Variants in NUBPL observed in about 807,000 individuals in gnomAD.
NUBPL encodes iron-sulfur cluster transfer protein NUBPL.
NUBPL carries 31 observed loss-of-function variants against 45.7 expected under a neutral mutation model. The ratio of observed to expected loss-of-function variants is 0.68; its 90% CI spans 0.51 to 0.92. The LOEUF (loss-of-function observed/expected upper bound fraction) is 0.92, where lower values mean the gene tolerates loss of function less well. NUBPL is among the 40% of genes least tolerant of loss of function. NUBPL has a pLI of 0.00. For missense variants in NUBPL, 401 were observed against 398.7 expected, an observed-to-expected ratio of 1.01 and a Z score of -0.05; for synonymous variants, 144 against 140.9, an observed-to-expected ratio of 1.02 and a Z score of -0.15.
At chr14:31,566,971 C>T (rs1225228054) in intron 3 of NUBPL, among the ~76,000 whole-genome samples, 1 of 152,124 alleles carries the variant, frequency 6.6e-6, no homozygotes, top group African/African-American at 2.4e-5. Context: ...ATTGAGATCT[C>T]TTTGGACTTC....
rs193249363 is a variant in NUBPL at position 31,633,536 on chromosome 14, A to G, written c.382+34157A>G. 5.6e-3 allele frequency among the ~76,000 whole-genome samples: 846 copies of G among 152,304 alleles called. 9 individuals carry two copies. Among genetic ancestry groups the G allele is most frequent in the African/African-American group, 0.019 (801 of 41,562 alleles). ...CGCGCATTATTAGTGAAGTGCCAACATAAGAACCAGGATCTTCTGATTACC... is the reference window on the plus strand; with the variant it reads ...CGCGCATTATTAGTGAAGTGCCAACGTAAGAACCAGGATCTTCTGATTACC... On this transcript the variant is annotated intron_variant, in intron 4 of 10. Transcript: ENST00000281081.
intron 7 of NUBPL, among the ~76,000 whole-genome samples, chr14:31,816,503 G>T (rs1471667283): frequency 3.3e-5 from 5 of 151,774 alleles, no homozygotes; most frequent in African/African-American, 7.3e-5. Flanking sequence ...TGGATTTTTT[G>T]AGGAGTTTTT....
chr14:31,805,279 G>C (rs555422770), intron 7 of NUBPL, among the ~76,000 whole-genome samples: 2 of 152,324 alleles, frequency 1.3e-5, no homozygotes, highest in East Asian at 3.9e-4. Context: ...ATGCTGATGA[G>C]ATTGCAGAGA....
chr14:31,729,767 C>T (rs2038010363), intron 6 of NUBPL, among the ~76,000 whole-genome samples: 1 of 151,988 alleles, frequency 6.6e-6, no homozygotes, highest in South Asian at 2.1e-4. Context: ...GTTACTTTTG[C>T]ACCAGCCTAG....
intron 6 of NUBPL, among the ~76,000 whole-genome samples, chr14:31,675,631 C>T (rs533455390): frequency 6.6e-6 from 1 of 152,232 alleles, no homozygotes; most frequent in African/African-American, 2.4e-5. Context: ...AGAACAAAAC[C>T]AGTGATCCAG....
At chr14:31,678,792 C>T (rs772198879) in intron 6 of NUBPL, among the ~76,000 whole-genome samples, 3 of 152,164 alleles carry the variant, frequency 2.0e-5, no homozygotes, top group Non-Finnish European at 2.9e-5. Flanking sequence ...GCTGCCCTGG[C>T]TGGTGTCTTA....
At chr14:31,739,327 C>T (rs1360125516) in intron 6 of NUBPL, among the ~76,000 whole-genome samples, 2 of 149,806 alleles carry the variant, frequency 1.3e-5, no homozygotes, top group East Asian at 1.9e-4. Flanking sequence ...TCGGATGATC[C>T]GTCCGCCTTG....
At chr14:31,579,523 T>G (rs1182816838) in intron 3 of NUBPL, among the ~76,000 whole-genome samples, 6 of 152,236 alleles carry the variant, frequency 3.9e-5, no homozygotes, top group Non-Finnish European at 7.3e-5. Context: ...GTTTACCTAC[T>G]TAGTGATGGA....
rs2037696154 is a variant in NUBPL at position 31,716,699 on chromosome 14, T to A, written c.513+43125T>A. On this transcript the variant is annotated intron_variant, in intron 6 of 10. Coordinates refer to ENST00000281081, the MANE Select transcript of NUBPL (RefSeq NM_025152.3). The stretch of plus-strand genomic sequence containing the variant: ...TGTGCTCATTCTGGGCAATGCCTAA[T>A]GGAAAGCTCTGCTTGACTGTCCTAT... 2.0e-5 allele frequency among the ~76,000 whole-genome samples: 3 copies of A among 152,218 alleles called. No individual in the cohort carries two copies. In the South Asian group the frequency reaches 6.2e-4, roughly 32 times the overall value.
intron 7 of NUBPL, among the ~76,000 whole-genome samples, chr14:31,812,134 A>G (rs1013523609): frequency 6.6e-6 from 1 of 152,198 alleles, no homozygotes. Flanking sequence ...CTGTTCTCAG[A>G]GTTCAAACAC....
rs145838694 is a variant in NUBPL at position 31,785,524 on chromosome 14, C to T, written c.514-2256C>T. ...CGCTTGAATCATCCTGAAACTGTCCCCTGCTCCCATCCATGGAAAAATTGT... is the reference window on the plus strand; with the variant it reads ...CGCTTGAATCATCCTGAAACTGTCCTCTGCTCCCATCCATGGAAAAATTGT... On this transcript the variant is annotated intron_variant, in intron 6 of 10. Coordinates refer to ENST00000281081, the MANE Select transcript of NUBPL (RefSeq NM_025152.3). Among the ~76,000 whole-genome samples, 320 of 152,256 alleles carry T rather than the reference C, an allele frequency of 2.1e-3. 1 individual carries two copies. The highest frequency in any genetic ancestry group is 7.4e-3 in the African/African-American group (306 of 41,546).
intron 7 of NUBPL, among the ~76,000 whole-genome samples, chr14:31,816,177 T>C (rs867197812): frequency 6.6e-6 from 1 of 152,154 alleles, no homozygotes; most frequent in Non-Finnish European, 1.5e-5. Flanking sequence ...CTTTTATTGG[T>C]TGGTGGGCTA....
chr14:31,610,398 C>A (rs1045226096), intron 4 of NUBPL, among the ~76,000 whole-genome samples: 2 of 151,662 alleles, frequency 1.3e-5, no homozygotes, highest in African/African-American at 4.8e-5. Flanking sequence ...AGACCAACAA[C>A]AAGTAACAAG....
intron 6 of NUBPL, among the ~76,000 whole-genome samples, chr14:31,698,589 C>T (rs1487031983): frequency 6.6e-6 from 1 of 152,042 alleles, no homozygotes; most frequent in Non-Finnish European, 1.5e-5. Context: ...TGGCTTTATT[C>T]ATTTTTTCAG....
At chr14:31,579,230 G>T (rs1202182745) in intron 3 of NUBPL, among the ~76,000 whole-genome samples, 1 of 152,114 alleles carries the variant, frequency 6.6e-6, no homozygotes, top group Non-Finnish European at 1.5e-5. Context: ...TGGGCTATTT[G>T]GGGTGGCTTA....
intron 4 of NUBPL, among the ~76,000 whole-genome samples, chr14:31,637,056 AT>A (rs544548089): frequency 6.6e-6 from 1 of 152,040 alleles, no homozygotes; most frequent in South Asian, 2.1e-4. Context: ...GGATTCATTA[AT>A]TTTTTGAAGG....
intron 6 of NUBPL, among the ~76,000 whole-genome samples, chr14:31,781,635 T>C (rs1224581192): frequency 2.0e-5 from 3 of 152,234 alleles, no homozygotes; most frequent in Admixed American, 2.0e-4. Flanking sequence ...TCTTGTTATT[T>C]TAACATAGAG....
intron 4 of NUBPL, among the ~76,000 whole-genome samples, chr14:31,620,152 A>G (rs1424378943): frequency 6.6e-6 from 1 of 151,696 alleles, no homozygotes; most frequent in Non-Finnish European, 1.5e-5. Flanking sequence ...TATGTTCTTT[A>G]AACCAGTTAT....
intron 6 of NUBPL, among the ~76,000 whole-genome samples, chr14:31,735,781 G>C (rs765785365): frequency 1.4e-4 from 22 of 152,200 alleles, no homozygotes; most frequent in Non-Finnish European, 2.8e-4. Flanking sequence ...GAACCTGGCA[G>C]GTGGAAGTTG....
Sources: allele counts gnomAD v4.1 joint callset (sites outside exome capture counted in the v4.1 genomes callset), GRCh38; gene constraint gnomAD v4.1.1; transcripts MANE v1.5; gene names NCBI Gene and HGNC (gene_info 2026-07-23, HGNC 2026-07-21).